Variants in PCDH15 observed in about 807,000 individuals in gnomAD.
PCDH15 encodes protocadherin related 15.
In PCDH15, 129 loss-of-function variants were observed where a neutral mutation model predicts 178.5. The observed-to-expected ratio is 0.72, with a 90% CI of 0.63 to 0.84. The LOEUF is 0.84. PCDH15 is among the 40% of genes least tolerant of loss of function. The pLI is 0.00. For synonymous variants in PCDH15, 800 were observed against 732.0 expected (o/e 1.09, Z -1.50); for missense variants, 2,230 against 2,099.9 (o/e 1.06, Z -1.21).
chr10:55,589,173 G>A (rs1427854329), intron 2 of PCDH15, among the ~76,000 whole-genome samples: 1 of 151,782 alleles, frequency 6.6e-6, no homozygotes, highest in African/African-American at 2.4e-5. Context: ...TTCTTCTAGG[G>A]TTTTTATGGT....
intron 2 of PCDH15, among the ~76,000 whole-genome samples, chr10:55,481,049 C>T (rs191039787): frequency 1.1e-3 from 171 of 151,818 alleles, no homozygotes; most frequent in Middle Eastern, 6.8e-3. Context: ...TTGACTTCTT[C>T]CTGGTTGAGT....
At chr10:54,818,468 T>G (rs1952982856) in intron 3 of PCDH15, among the ~76,000 whole-genome samples, 6 of 152,068 alleles carry the variant, frequency 3.9e-5, no homozygotes, top group Admixed American at 3.9e-4. Context: ...GGTTTGTTAT[T>G]CTGAATCCAG....
chr10:54,550,171 C>A (rs2086391917), intron 2 of PCDH15, among the ~76,000 whole-genome samples: 1 of 152,104 alleles, frequency 6.6e-6, no homozygotes, highest in Admixed American at 6.6e-5. Flanking sequence ...CATGTTATCA[C>A]CACATTTTAA....
intron 5 of PCDH15, among the ~76,000 whole-genome samples, chr10:54,367,065 T>G (rs920496040): frequency 6.6e-6 from 1 of 152,050 alleles, no homozygotes; most frequent in Non-Finnish European, 1.5e-5. Context: ...ATAAATCAAG[T>G]AAAAGAGATG....
At chr10:54,291,781 A>T (rs1564881763) in intron 8 of PCDH15, among the ~76,000 whole-genome samples, 1 of 152,200 alleles carries the variant, frequency 6.6e-6, no homozygotes, top group Non-Finnish European at 1.5e-5. Flanking sequence ...GAAGAAGTTG[A>T]ATCTCTGAAT....
chr10:54,376,705 A>G (rs141871863), intron 4 of PCDH15, among the ~76,000 whole-genome samples: 150 of 152,014 alleles, frequency 9.9e-4, no homozygotes, highest in African/African-American at 3.3e-3. Context: ...AAATATTTAC[A>G]TAATATTATT....
chr10:54,515,117 G>C (rs1372894671), intron 3 of PCDH15, among the ~76,000 whole-genome samples: 2 of 152,194 alleles, frequency 1.3e-5, no homozygotes, highest in Admixed American at 6.5e-5. Flanking sequence ...GGGAGTGCCA[G>C]ACAGTGGGTG....
At chr10:54,751,754 ATAC>A (rs1344217495) in intron 1 of PCDH15, among the ~76,000 whole-genome samples, 18 of 152,206 alleles carry the variant, frequency 1.2e-4, no homozygotes, top group Admixed American at 1.2e-3. Context: ...AGGATGAAAG[ATAC>A]TAATTCTCTG....
At chr10:55,463,482 T>TA (rs900901294) in intron 2 of PCDH15, among the ~76,000 whole-genome samples, 23 of 150,718 alleles carry the variant, frequency 1.5e-4, no homozygotes, top group African/African-American at 3.9e-4. Context: ...CTTGTCTCTA[T>TA]AAAAAAAAAT....
chr10:53,806,424 C>T lies in PCDH15; in HGVS notation c.*155G>A. 2 of 655,630 alleles carry T rather than the reference C, an allele frequency of 3.1e-6. No homozygotes were observed. Among genetic ancestry groups the T allele is most frequent in the East Asian group, 5.6e-5 (2 of 35,920 alleles). The allele number at this position is 655,630 out of a possible 1,614,324, so 40.6% of individuals were successfully genotyped here. A position where few individuals can be genotyped will look rare whatever the true frequency, so the allele number is the denominator to read the frequency against. On this transcript the variant is annotated 3_prime_UTR_variant, in exon 38 of 38. Transcript: ENST00000644397. ...CGATTAATTGATAACAATGTGAGTG[C>T]AAATCTGTCTCTTAAAATTTTAAAG...
At chr10:55,248,539 A>T (rs1006611884) in intron 1 of PCDH15, among the ~76,000 whole-genome samples, 1 of 152,168 alleles carries the variant, frequency 6.6e-6, no homozygotes. Flanking sequence ...TAAGCATCCA[A>T]TAGATATGAA....
intron 2 of PCDH15, among the ~76,000 whole-genome samples, chr10:55,449,546 T>C (rs180948631): frequency 1.3e-5 from 2 of 152,104 alleles, no homozygotes; most frequent in Admixed American, 1.3e-4. Flanking sequence ...AACAGGTGAA[T>C]ACAATTTTTA....
At chr10:55,107,592 A>G (rs527965378) in intron 2 of PCDH15, among the ~76,000 whole-genome samples, 136 of 148,050 alleles carry the variant, frequency 9.2e-4, no homozygotes, top group African/African-American at 3.4e-3. Context: ...CCTGGGTTCA[A>G]GCGATTCTAC....
intron 1 of PCDH15, among the ~76,000 whole-genome samples, chr10:55,215,491 C>A (rs924716031): frequency 6.6e-6 from 1 of 152,056 alleles, no homozygotes; most frequent in Non-Finnish European, 1.5e-5. Context: ...ACATTCTTTA[C>A]TTCCCTCCTT....
intron 2 of PCDH15, among the ~76,000 whole-genome samples, chr10:55,015,381 T>G (rs552893911): frequency 2.0e-5 from 3 of 152,012 alleles, no homozygotes; most frequent in East Asian, 3.9e-4. Flanking sequence ...ATTTATTCAT[T>G]ATAGAGACAC....
rs560169646 is a variant in PCDH15 at position 54,414,488 on chromosome 10, T to C, written c.158-35546A>G. On this transcript the variant is annotated intron_variant, in intron 3 of 37. Transcript: ENST00000644397. Reference sequence around the variant, plus strand: ...TATTGGGCTACAGAACAGAAGTAGGTATACAAATATGGAAGAATATATTAC... The same window carrying C: ...TATTGGGCTACAGAACAGAAGTAGGCATACAAATATGGAAGAATATATTAC... Among the ~76,000 whole-genome samples the C allele has an allele frequency of 4.6e-5, 7 of 152,206 alleles. No individual in the cohort carries two copies. In the South Asian group the frequency reaches 1.5e-3, roughly 32 times the overall value.
At chr10:54,403,596 A>G (rs1310604329) in intron 3 of PCDH15, among the ~76,000 whole-genome samples, 2 of 152,038 alleles carry the variant, frequency 1.3e-5, no homozygotes, top group African/African-American at 2.4e-5. Context: ...TGGCCAGAGC[A>G]CTCAGGCAAG....
intron 17 of PCDH15, among the ~76,000 whole-genome samples, chr10:54,074,932 CT>C (rs2094313103): frequency 6.6e-6 from 1 of 151,984 alleles, no homozygotes; most frequent in Non-Finnish European, 1.5e-5. Context: ...GAGGTGGCAC[CT>C]CATTGTGGCC....
chr10:55,298,949 A>G (rs1843202898), intron 1 of PCDH15, among the ~76,000 whole-genome samples: 1 of 152,162 alleles, frequency 6.6e-6, no homozygotes. Context: ...CATAAGTATT[A>G]GCTTCAATGC....
Sources: gnomAD v4.1 joint callset for allele counts (sites outside exome capture counted in the v4.1 genomes callset) on GRCh38, gnomAD v4.1.1 for gene constraint, MANE v1.5 for transcripts, NCBI Gene and HGNC (gene_info 2026-07-23, HGNC 2026-07-21) for gene names.